SRBD1: variants seen among roughly 807,000 people sequenced by gnomAD.
The protein encoded by SRBD1 is S1 RNA-binding domain-containing protein 1.
In SRBD1, 88 loss-of-function variants were observed where a neutral mutation model predicts 115.3. The observed-to-expected ratio is 0.76, with a 90% confidence interval of 0.64 to 0.91. The LOEUF (loss-of-function observed/expected upper bound fraction) is 0.91. Among genes scored for constraint, SRBD1 ranks in the 40% least tolerant of loss-of-function variants. SRBD1 has a pLI of 0.00. For synonymous variants in SRBD1, 509 were observed against 407.7 expected, an observed-to-expected ratio of 1.25 and a Z score of -2.99; for missense variants, 1,385 against 1,177.4, an observed-to-expected ratio of 1.18 and a Z score of -2.58.
intron 16 of SRBD1, among the ~76,000 whole-genome samples, chr2:45,450,169 A>G (rs1668950772): frequency 6.6e-6 from 1 of 152,178 alleles, no homozygotes; most frequent in African/African-American, 2.4e-5. Flanking sequence ...AAATACAAGA[A>G]AAGTTGGCCA....
rs537895296 is a variant in SRBD1 at position 45,551,187 on chromosome 2, G to A, written c.1613C>T (p.Thr538Ile). 5 of 1,612,766 alleles carry A rather than the reference G, an allele frequency of 3.1e-6. No homozygotes were observed. The highest frequency in any genetic ancestry group is 3.4e-5 in the Admixed American group (2 of 59,532). Residue 538 changes from threonine to isoleucine, a missense_variant, in exon 12 of 21, where the codon ACC (threonine) becomes ATC (isoleucine). By Grantham distance (89) the Thr-to-Ile change is moderately conservative. Transcript: ENST00000263736. ...LLLTSPVPGR[T>I]LMGVDPGYKH... ...ATAACCAGGATCCACTCCCATTAAG[G>A]TGCGCCCTGGAACAGGGCTTGTTAA...
chr2:45,546,637 T>A, intron 14 of SRBD1, 95 bp downstream of exon 14: 1 of 1,219,198 alleles, frequency 8.2e-7, no homozygotes, highest in South Asian at 1.2e-5. Context: ...GCAAAGAAGA[T>A]GTACATCTTA....
At chr2:45,526,535 A>G (rs760388551) in intron 14 of SRBD1, among the ~76,000 whole-genome samples, 9 of 151,970 alleles carry the variant, frequency 5.9e-5, no homozygotes, top group Non-Finnish European at 1.0e-4. Context: ...TAAAATTAGT[A>G]GTGATAGCTG....
chr2:45,485,514 T>C (rs910505932), intron 15 of SRBD1, among the ~76,000 whole-genome samples: 4 of 152,168 alleles, frequency 2.6e-5, no homozygotes, highest in Admixed American at 1.3e-4. Context: ...AAATCCATAA[T>C]AGACAGTTTA....
At position 45,599,639 on chromosome 2, in the gene SRBD1, T is replaced by G; in HGVS notation, c.458A>C (p.Glu153Ala). The G allele has an allele frequency of 6.2e-7, 1 of 1,614,258 alleles. No individual in the cohort carries two copies. The highest frequency in any genetic ancestry group is 1.3e-5 in the African/African-American group (1 of 75,072). ...SNLEGESNSS[E>A]TPSTSTVWGG... is the part of the protein sequence containing the mutation. ...CCACACAGTGCTTGTGGATGGTGTCTCTGAACTATTACTCTCACCCTCTAA... is the reference window on the plus strand; with the variant it reads ...CCACACAGTGCTTGTGGATGGTGTCGCTGAACTATTACTCTCACCCTCTAA... Residue 153 changes from glutamate (E) to alanine (A), a missense_variant, in exon 4 of 21, where the codon GAG (glutamate) becomes GCG (alanine). By Grantham distance (107) the Glu-to-Ala change is moderately radical. Transcript: ENST00000263736.
chr2:45,486,898 C>T (rs1298359371), intron 15 of SRBD1, among the ~76,000 whole-genome samples: 1 of 151,958 alleles, frequency 6.6e-6, no homozygotes, highest in African/African-American at 2.4e-5. Flanking sequence ...CTATTAGCAG[C>T]TCCCAGTATG....
At chr2:45,542,259 G>C (rs2104016004) in intron 14 of SRBD1, among the ~76,000 whole-genome samples, 1 of 152,358 alleles carries the variant, frequency 6.6e-6, no homozygotes, top group South Asian at 2.1e-4. Flanking sequence ...CAGTGCCTAG[G>C]CTCGGCCACA....
intron 8 of SRBD1, 40 bp from the exon 9 acceptor site, chr2:45,573,382 T>C (rs1426938112): frequency 6.3e-7 from 1 of 1,578,086 alleles, no homozygotes; most frequent in Non-Finnish European, 8.6e-7. Flanking sequence ...AAGCAGTTAT[T>C]AATTTGTGCT....
At chr2:45,455,102 T>A (rs1373549168) in intron 16 of SRBD1, among the ~76,000 whole-genome samples, 1 of 151,934 alleles carries the variant, frequency 6.6e-6, no homozygotes, top group Non-Finnish European at 1.5e-5. Flanking sequence ...AATGTTTTTC[T>A]AAGATATTCA....
At chr2:45,535,086 T>G (rs535502897) in intron 14 of SRBD1, among the ~76,000 whole-genome samples, 2 of 152,116 alleles carry the variant, frequency 1.3e-5, no homozygotes, top group African/African-American at 4.8e-5. Context: ...CACACCTCAG[T>G]GTCCACAAAT....
chr2:45,572,075 A>G (rs1021684461), intron 9 of SRBD1, among the ~76,000 whole-genome samples: 18 of 152,166 alleles, frequency 1.2e-4, no homozygotes, highest in Non-Finnish European at 1.5e-5. Flanking sequence ...CCATGACAAG[A>G]CACATTATAA....
chr2:45,611,211 C>T lies in SRBD1; in HGVS notation c.-1+8G>A, dbSNP rs1674441507. The stretch of plus-strand genomic sequence containing the variant: ...CAAGACGACCGCCAAGGCGCACGCA[C>T]AGCTCACCTTCCCGCCCGGCACGTC... On this transcript the variant is annotated splice_region_variant and intron_variant, in intron 1 of 20. Coordinates refer to ENST00000263736, the MANE Select transcript of SRBD1 (RefSeq NM_018079.5). 6.6e-6 allele frequency: 1 copy of T among 152,160 alleles called. No homozygotes were observed. The highest frequency in any genetic ancestry group is 2.4e-5 in the African/African-American group (1 of 41,476). 9.4% of individuals were successfully genotyped at this position (152,160 alleles called of 1,614,324 possible). A position where few individuals can be genotyped will look rare whatever the true frequency, so the allele number is the denominator to read the frequency against.
At chr2:45,472,996 G>C (rs1247638471) in intron 16 of SRBD1, among the ~76,000 whole-genome samples, 7 of 150,942 alleles carry the variant, frequency 4.6e-5, no homozygotes, top group Admixed American at 4.0e-4. Context: ...ACATATGTAA[G>C]TTAGAGCTGT....
chr2:45,537,453 T>C (rs1192931955), intron 14 of SRBD1, among the ~76,000 whole-genome samples: 2 of 152,180 alleles, frequency 1.3e-5, no homozygotes. Flanking sequence ...CTGCTTTCTT[T>C]CCCAGCACAC....
At chr2:45,561,235 G>A (rs893191602) in intron 10 of SRBD1, among the ~76,000 whole-genome samples, 1 of 152,178 alleles carries the variant, frequency 6.6e-6, no homozygotes, top group Non-Finnish European at 1.5e-5. Flanking sequence ...AACTTAGTAA[G>A]ACATGTTCAT....
intron 19 of SRBD1, among the ~76,000 whole-genome samples, chr2:45,405,461 G>A (rs975810291): frequency 6.6e-6 from 1 of 152,144 alleles, no homozygotes; most frequent in Non-Finnish European, 1.5e-5. Context: ...ATATTCATGA[G>A]AAAATCTCTC....
At chr2:45,463,144 T>C (rs995360699) in intron 16 of SRBD1, among the ~76,000 whole-genome samples, 1 of 151,806 alleles carries the variant, frequency 6.6e-6, no homozygotes. Flanking sequence ...TAGCATAAGA[T>C]AGATTGGACG....
chr2:45,549,320 G>GA (rs1672218536), intron 12 of SRBD1, among the ~76,000 whole-genome samples: 1 of 150,690 alleles, frequency 6.6e-6, no homozygotes, highest in African/African-American at 2.4e-5. Context: ...TAATGATTTG[G>GA]AAAAAACAGA....
chr2:45,562,537 C>T, intron 10 of SRBD1, 116 bp downstream of exon 10: 6 of 813,484 alleles, frequency 7.4e-6, no homozygotes, highest in Non-Finnish European at 1.1e-5. Context: ...CGGCCTGTCA[C>T]TGGCTTTTTA....
Sources: gnomAD v4.1 joint callset for allele counts (sites outside exome capture counted in the v4.1 genomes callset) on GRCh38, gnomAD v4.1.1 for gene constraint, MANE v1.5 for transcripts, NCBI Gene and HGNC (gene_info 2026-07-23, HGNC 2026-07-21) for gene names.